RANBP17: variants seen among roughly 807,000 people sequenced by gnomAD.
RANBP17 encodes RAN binding protein 17, also known as ran-binding protein 17.
In RANBP17, 158 loss-of-function variants were observed where a neutral mutation model predicts 141.2. That is an observed-to-expected ratio of 1.12 (90% CI 0.98 to 1.28). RANBP17 has a LOEUF of 1.28. Ranked by LOEUF, RANBP17 falls within the 50% of genes most tolerant of loss-of-function variation. RANBP17 has a pLI of 0.00. For missense variants in RANBP17, 1,438 were observed against 1,290.7 expected, an observed-to-expected ratio of 1.11 and a Z score of -1.75; for synonymous variants, 430 against 450.0, an observed-to-expected ratio of 0.96 and a Z score of 0.56.
chr5:171,225,074 C>T (rs1763809503), intron 22 of RANBP17, among the ~76,000 whole-genome samples: 1 of 152,148 alleles, frequency 6.6e-6, no homozygotes, highest in Non-Finnish European at 1.5e-5. Context: ...GAAATTGAAG[C>T]TCACAGAGGT....
At chr5:170,970,651 T>C (rs1452080089) in intron 14 of RANBP17, 2 of 152,132 alleles carry the variant, frequency 1.3e-5, no homozygotes, top group African/African-American at 2.4e-5. Flanking sequence ...TTGCAAAAAT[T>C]TAAAAAATTC....
At chr5:170,943,831 C>G (rs907483892) in intron 12 of RANBP17, among the ~76,000 whole-genome samples, 15 of 152,056 alleles carry the variant, frequency 9.9e-5, no homozygotes, top group Non-Finnish European at 1.6e-4. Flanking sequence ...TACAGTCAGC[C>G]AAATTATCCT....
chr5:171,196,362 T>C (rs1761978476), intron 18 of RANBP17, among the ~76,000 whole-genome samples: 1 of 152,204 alleles, frequency 6.6e-6, no homozygotes, highest in Admixed American at 6.5e-5. Context: ...CCTTAAAATT[T>C]GAATGGAGAA....
chr5:171,066,282 C>A (rs1029656801), intron 14 of RANBP17, among the ~76,000 whole-genome samples: 1 of 152,088 alleles, frequency 6.6e-6, no homozygotes, highest in Non-Finnish European at 1.5e-5. Context: ...TTCTCCTATC[C>A]CACTGGAATT....
chr5:171,293,457 C>G (rs1768628910), intron 25 of RANBP17, among the ~76,000 whole-genome samples: 1 of 152,234 alleles, frequency 6.6e-6, no homozygotes, highest in Non-Finnish European at 1.5e-5. Context: ...TCCCCTCCCT[C>G]TCTCCAAGAG....
chr5:170,962,909 T>A (rs895559079), intron 13 of RANBP17, among the ~76,000 whole-genome samples: 11 of 152,214 alleles, frequency 7.2e-5, no homozygotes, highest in Non-Finnish European at 1.2e-4. Context: ...AGCAAGTTTT[T>A]AAAAATTTTC....
chr5:171,123,335 G>A (rs1258250221), intron 14 of RANBP17, among the ~76,000 whole-genome samples: 1 of 152,172 alleles, frequency 6.6e-6, no homozygotes, highest in Non-Finnish European at 1.5e-5. Flanking sequence ...CCAGGGATTG[G>A]CCTCACTTGT....
intron 14 of RANBP17, among the ~76,000 whole-genome samples, chr5:171,023,930 C>A (rs559318065): frequency 5.3e-5 from 8 of 152,226 alleles, no homozygotes; most frequent in African/African-American, 1.9e-4. Context: ...ATATTTAATC[C>A]AGTTTTTTGT....
chr5:171,115,261 C>T (rs536117467), intron 14 of RANBP17, among the ~76,000 whole-genome samples: 1 of 152,056 alleles, frequency 6.6e-6, no homozygotes, highest in African/African-American at 2.4e-5. Flanking sequence ...AAAAGGTAGC[C>T]TATTTGATAT....
chr5:170,950,814 G>A (rs1358157400), intron 12 of RANBP17, among the ~76,000 whole-genome samples: 1 of 152,124 alleles, frequency 6.6e-6, no homozygotes, highest in African/African-American at 2.4e-5. Flanking sequence ...CAATAGCAAA[G>A]ATATGGAATC....
chr5:171,074,689 C>T (rs1368330196), intron 14 of RANBP17, among the ~76,000 whole-genome samples: 1 of 152,194 alleles, frequency 6.6e-6, no homozygotes, highest in Non-Finnish European at 1.5e-5. Context: ...ATGAGCATCT[C>T]TTCGTTGATC....
rs184456114 is a variant in RANBP17, at chr5:170,943,084, A to G, written c.1469-10513A>G. ...TTAGTCAAAAGGTCAGTGGGAAAGA[A>G]TCTGTCTGCCCTTTTAGAGATATCT... On this transcript the variant is annotated intron_variant, in intron 12 of 27. Coordinates refer to ENST00000523189, the MANE Select transcript of RANBP17 (RefSeq NM_022897.5). Among the ~76,000 whole-genome samples, 32 of 152,304 alleles carry G rather than the reference A, an allele frequency of 2.1e-4. 1 individual carries two copies. Among genetic ancestry groups the G allele is most frequent in the Admixed American group, 2.1e-3 (32 of 15,302 alleles).
At chr5:170,892,827 A>G (rs775515197) in intron 4 of RANBP17, among the ~76,000 whole-genome samples, 35 of 152,244 alleles carry the variant, frequency 2.3e-4, no homozygotes, top group Admixed American at 5.9e-4. Context: ...TACTGTATAT[A>G]TAAAACATGT....
intron 25 of RANBP17, among the ~76,000 whole-genome samples, chr5:171,275,550 C>T (rs1351767599): frequency 6.6e-6 from 1 of 152,090 alleles, no homozygotes; most frequent in Non-Finnish European, 1.5e-5. Flanking sequence ...TTCAGGTTCC[C>T]ATTTTCTGAG....
chr5:171,285,210 C>T (rs1403230288), intron 25 of RANBP17, among the ~76,000 whole-genome samples: 1 of 152,182 alleles, frequency 6.6e-6, no homozygotes, highest in Non-Finnish European at 1.5e-5. Flanking sequence ...ATCACCTATC[C>T]TATGAAGATA....
rs1299140874 is a variant in RANBP17, at chr5:171,240,938, C to T, written c.2433C>T (p.Ile811=). 1.2e-6 allele frequency: 2 copies of T among 1,612,164 alleles called. No individual in the cohort carries two copies. Among genetic ancestry groups the T allele is most frequent in the African/African-American group, 1.3e-5 (1 of 74,972 alleles). ...SKMVCTYGNQ[I]LSLGSLSKDQ... ...TTTATCCTGAAACAGGTAATCAGAT[C>T]CTGTCCCTTGGGAGCCTCTCAAAAG... The change falls in exon 23 of 28, where the codon ATC becomes ATT. Residue 811 remains isoleucine, a synonymous_variant. Coordinates refer to ENST00000523189, the MANE Select transcript of RANBP17 (RefSeq NM_022897.5).
chr5:171,089,780 A>G (rs934723053), intron 14 of RANBP17, among the ~76,000 whole-genome samples: 8 of 151,864 alleles, frequency 5.3e-5, no homozygotes, highest in East Asian at 1.9e-4. Flanking sequence ...GACCCCTTGC[A>G]CTTCCCAGGT....
chr5:171,006,824 C>T (rs142463145), intron 14 of RANBP17, among the ~76,000 whole-genome samples: 2,037 of 151,670 alleles, frequency 0.013, 10 homozygotes, highest in South Asian at 0.021. Flanking sequence ...TGCTGCTAAG[C>T]GGGCCATGAA....
intron 24 of RANBP17, among the ~76,000 whole-genome samples, chr5:171,250,150 A>C (rs1366236828): frequency 1.3e-5 from 2 of 152,212 alleles, no homozygotes; most frequent in East Asian, 1.9e-4. Flanking sequence ...TACTACATCC[A>C]GTAAAATTAA....
Sources: allele counts gnomAD v4.1 joint callset (sites outside exome capture counted in the v4.1 genomes callset), GRCh38; gene constraint gnomAD v4.1.1; transcripts MANE v1.5; gene names NCBI Gene and HGNC (gene_info 2026-07-23, HGNC 2026-07-21).